The following ZBTB38 variants were observed in gnomAD, a reference collection of about 807,000 sequenced individuals.
The protein encoded by ZBTB38 is zinc finger and BTB domain-containing protein 38.
Under a neutral mutation model 76.8 loss-of-function variants are expected in ZBTB38, and 20 were observed. That is an observed-to-expected ratio of 0.26 (90% CI 0.18 to 0.38). The LOEUF (loss-of-function observed/expected upper bound fraction) is 0.38, where lower values mean the gene tolerates loss of function less well. Ranked by LOEUF, ZBTB38 falls within the 10% of genes least tolerant of loss-of-function variation. The probability of loss-of-function intolerance (pLI) is 1.00; values close to 1 mark genes in which losing one functional copy is unlikely to be tolerated. For synonymous variants in ZBTB38, 504 were observed against 544.2 expected, an observed-to-expected ratio of 0.93 and a Z score of 1.03; for missense variants, 1,082 against 1,482.3, an observed-to-expected ratio of 0.73 and a Z score of 4.43.
intron 5 of ZBTB38, among the ~76,000 whole-genome samples, chr3:141,409,043 T>G (rs990998673): frequency 6.6e-6 from 1 of 152,184 alleles, no homozygotes; most frequent in East Asian, 1.9e-4. Context: ...GAGTTTATTT[T>G]TTTTTAATTA....
upstream of ZBTB38, among the ~76,000 whole-genome samples, chr3:141,364,676 TAAAAAAAAAAAAAAAA>T (rs59398877): frequency 5.8e-4 from 25 of 43,416 alleles, no homozygotes; most frequent in East Asian, 0.041. Flanking sequence ...AAACTACATC[TAAAAAAAAAAAAAAAA>T]AAAAAAAAAA....
intron 2 of ZBTB38, among the ~76,000 whole-genome samples, chr3:141,371,041 C>CTTTTTTTTT (rs1944488920): frequency 1.3e-5 from 1 of 75,468 alleles, no homozygotes; most frequent in African/African-American, 6.6e-5. Flanking sequence ...TCTTTTCTTT[C>CTTTTTTTTT]TTTCTTTTTT....
chr3:141,411,324 A>G (rs1020817806), intron 5 of ZBTB38, among the ~76,000 whole-genome samples: 4 of 152,204 alleles, frequency 2.6e-5, no homozygotes. Flanking sequence ...AAACCTACTC[A>G]GCATTCTGAT....
chr3:141,400,473 A>G (rs1305376764), intron 4 of ZBTB38, among the ~76,000 whole-genome samples: 1 of 152,220 alleles, frequency 6.6e-6, no homozygotes, highest in Non-Finnish European at 1.5e-5. Context: ...ACCACCTGGA[A>G]CATGTTAACA....
At chr3:141,391,866 C>T (rs1296262803) in intron 4 of ZBTB38, among the ~76,000 whole-genome samples, 2 of 152,126 alleles carry the variant, frequency 1.3e-5, no homozygotes, top group East Asian at 1.9e-4. Context: ...TTTGCTAAAA[C>T]GCTTCAGCTC....
chr3:141,433,299 A>C (rs1158537674), intron 5 of ZBTB38, among the ~76,000 whole-genome samples: 2 of 151,338 alleles, frequency 1.3e-5, no homozygotes, highest in Non-Finnish European at 2.9e-5. Flanking sequence ...TAAGATTTTT[A>C]ATTAAAATTG....
At chr3:141,422,739 T>C (rs937301018) in intron 5 of ZBTB38, among the ~76,000 whole-genome samples, 6 of 152,122 alleles carry the variant, frequency 3.9e-5, no homozygotes, top group Non-Finnish European at 7.4e-5. Flanking sequence ...GCGGGTGCCT[T>C]ATCCTTAATG....
intron 5 of ZBTB38, among the ~76,000 whole-genome samples, chr3:141,425,245 T>A (rs1203183751): frequency 6.6e-6 from 1 of 152,222 alleles, no homozygotes; most frequent in African/African-American, 2.4e-5. Context: ...AGTCTCTCAG[T>A]TCTTTCAGTT....
At chr3:141,419,847 G>A (rs757331713) in intron 5 of ZBTB38, among the ~76,000 whole-genome samples, 30 of 152,118 alleles carry the variant, frequency 2.0e-4, no homozygotes, top group Admixed American at 1.4e-3. Flanking sequence ...TTAGCAAGGC[G>A]TGGTGGTGCA....
chr3:141,407,048 A>T (rs1017952904), intron 5 of ZBTB38, among the ~76,000 whole-genome samples: 1 of 152,184 alleles, frequency 6.6e-6, no homozygotes, highest in Non-Finnish European at 1.5e-5. Context: ...CAGGCTGTTA[A>T]ATGTGGTTTT....
rs2081319125 is a variant in ZBTB38, at chr3:141,449,163, C to T, written c.*3187C>T. 6.6e-6 allele frequency: 1 copy of T among 152,192 alleles called. No individual in the cohort carries two copies. The highest frequency in any genetic ancestry group is 6.5e-5 in the Admixed American group (1 of 15,286). 9.4% of individuals were successfully genotyped at this position (152,192 alleles called of 1,614,324 possible). On this transcript the variant is annotated 3_prime_UTR_variant, in exon 6 of 6. Coordinates refer to ENST00000321464, the MANE Select transcript of ZBTB38 (RefSeq NM_001376113.1). ...AGCCAGGATGCTAACCTAGGTCTGC[C>T]TGACTCCAAAGCCCATGTTTTTGTT...
At chr3:141,408,743 A>T (rs1337481374) in intron 5 of ZBTB38, among the ~76,000 whole-genome samples, 1 of 152,176 alleles carries the variant, frequency 6.6e-6, no homozygotes, top group Non-Finnish European at 1.5e-5. Context: ...CAGATGACTT[A>T]TTGGGAATAT....
At chr3:141,420,472 A>C (rs1045004773) in intron 5 of ZBTB38, among the ~76,000 whole-genome samples, 4 of 152,172 alleles carry the variant, frequency 2.6e-5, no homozygotes, top group African/African-American at 7.2e-5. Flanking sequence ...TGAGTTCAAG[A>C]GCTTACTTGC....
At chr3:141,333,575 G>C (rs966784759) in intron 1 of ZBTB38, among the ~76,000 whole-genome samples, 2 of 152,090 alleles carry the variant, frequency 1.3e-5, no homozygotes, top group Non-Finnish European at 2.9e-5. Flanking sequence ...AGAGGAAGGG[G>C]TTACCACAGG....
chr3:141,383,565 T>A (rs1020303946), intron 3 of ZBTB38: 1 of 152,232 alleles, frequency 6.6e-6, no homozygotes, highest in Admixed American at 6.5e-5. Context: ...CTCAGTGCCC[T>A]GACTTTATGT....
At chr3:141,366,235 T>C (rs765993084), upstream of ZBTB38, 8 of 152,258 alleles carry the variant, frequency 5.3e-5, no homozygotes, top group Non-Finnish European at 8.8e-5. Flanking sequence ...CTGTTCACAT[T>C]ATCCTGATAG....
intron 4 of ZBTB38, among the ~76,000 whole-genome samples, chr3:141,391,953 TTTAAAAAATTCTTC>T (rs1258672247): frequency 2.6e-5 from 4 of 152,242 alleles, no homozygotes; most frequent in African/African-American, 9.6e-5. Context: ...CAAGTCATTC[TTTAAAAAATTCTTC>T]TTAAGAACCA....
At chr3:141,416,633 C>T (rs2074108034) in intron 5 of ZBTB38, among the ~76,000 whole-genome samples, 1 of 152,166 alleles carries the variant, frequency 6.6e-6, no homozygotes, top group African/African-American at 2.4e-5. Flanking sequence ...TGTCCCAGAA[C>T]CCGTGAGTGT....
At chr3:141,343,845 G>T (rs536936550) in intron 1 of ZBTB38, among the ~76,000 whole-genome samples, 3 of 152,260 alleles carry the variant, frequency 2.0e-5, no homozygotes, top group Non-Finnish European at 4.4e-5. Context: ...CTTTGTCTTT[G>T]TGCCCCAGAG....
Sources: allele counts gnomAD v4.1 joint callset (sites outside exome capture counted in the v4.1 genomes callset), GRCh38; gene constraint gnomAD v4.1.1; transcripts MANE v1.5; gene names NCBI Gene and HGNC (gene_info 2026-07-23, HGNC 2026-07-21).